The following PCDHGA4 variants were observed in gnomAD, a reference collection of about 807,000 sequenced individuals.
PCDHGA4 encodes protocadherin gamma subfamily A, 4, also known as protocadherin gamma-A4.
A neutral mutation model predicts 54.6 loss-of-function variants in PCDHGA4; 38 were observed. The observed-to-expected ratio is 0.70, with a 90% CI of 0.54 to 0.91. The LOEUF (loss-of-function observed/expected upper bound fraction) is 0.91. PCDHGA4 is among the 40% of genes least tolerant of loss of function. PCDHGA4 has a pLI of 0.00. For missense variants in PCDHGA4, 1,298 were observed against 1,220.9 expected, an observed-to-expected ratio of 1.06 and a Z score of -0.94; for synonymous variants, 511 against 512.9, an observed-to-expected ratio of 1.00 and a Z score of 0.05.
intron 1 of PCDHGA4, chr5:141,405,045 C>T (rs757899891): frequency 6.2e-7 from 1 of 1,613,918 alleles, no homozygotes. Context: ...GTGGCTGTGG[C>T]AGTCGTCTCC....
intron 1 of PCDHGA4, chr5:141,392,842 G>A: frequency 6.2e-7 from 1 of 1,609,312 alleles, no homozygotes. Flanking sequence ...CGCCCCAGAC[G>A]CGGCGAGCTG....
chr5:141,421,817 T>A (rs375019903), intron 1 of PCDHGA4: 34 of 1,613,662 alleles, frequency 2.1e-5, no homozygotes, highest in Non-Finnish European at 2.8e-5. Context: ...GAGCTAGTAC[T>A]GGAGGGAAGC....
intron 1 of PCDHGA4, chr5:141,389,817 C>G: frequency 1.2e-6 from 2 of 1,613,870 alleles, no homozygotes; most frequent in Non-Finnish European, 1.7e-6. Context: ...GGTCGCCGTG[C>G]GTGACGGTGG....
intron 1 of PCDHGA4, chr5:141,408,661 G>T (rs1462103250): frequency 1.2e-6 from 2 of 1,613,888 alleles, no homozygotes; most frequent in Middle Eastern, 3.3e-4. Context: ...CACGACTATC[G>T]CTTGACCCTG....
At chr5:141,384,479 A>T (rs1457273587) in intron 1 of PCDHGA4, 2 of 1,614,064 alleles carry the variant, frequency 1.2e-6, no homozygotes, top group South Asian at 2.2e-5. Context: ...CAGTTGAGAG[A>T]ACTACAACTA....
At chr5:141,395,535 C>T in intron 1 of PCDHGA4, 1 of 331,902 alleles carries the variant, frequency 3.0e-6, no homozygotes, top group Non-Finnish European at 5.4e-6. Flanking sequence ...GGTAATTTTG[C>T]TATTGTTTGT....
intron 1 of PCDHGA4, among the ~76,000 whole-genome samples, chr5:141,469,212 G>A (rs114294512): frequency 0.021 from 3,174 of 151,360 alleles, 54 homozygotes; most frequent in Non-Finnish European, 0.032. Flanking sequence ...TTGAAGTTGA[G>A]GCTTCAGTGA....
chr5:141,485,821 T>C lies in PCDHGA4; in HGVS notation c.2515-8986T>C, dbSNP rs765768266. 4 of 1,614,134 alleles carry C rather than the reference T, an allele frequency of 2.5e-6. No homozygotes were observed. Among genetic ancestry groups the C allele is most frequent in the Admixed American group, 1.7e-5 (1 of 60,014 alleles). ...ACCGCCTGGTGCTGACTGCTGTCGATGGAGGGAACCCGCCGAGATCTGGCA... is the reference window on the plus strand; with the variant it reads ...ACCGCCTGGTGCTGACTGCTGTCGACGGAGGGAACCCGCCGAGATCTGGCA... On this transcript the variant is annotated intron_variant, in intron 1 of 3. Coordinates refer to ENST00000571252, the MANE Select transcript of PCDHGA4 (RefSeq NM_018917.4). This position sits in a 1 kb window ranked among gnomAD's most constrained non-coding sequence, Gnocchi z 5.7.
chr5:141,485,174 A>G lies in PCDHGA4; in HGVS notation c.2515-9633A>G. 6.2e-7 allele frequency: 1 copy of G among 1,611,406 alleles called. No individual in the cohort carries two copies. The highest frequency in any genetic ancestry group is 8.5e-7 in the Non-Finnish European group (1 of 1,177,898). ...AGTAGAGAATTAGCGGGCGGCAGCA[A>G]TGCTCCGCAAGGTGAGAAGCTGGAC... On this transcript the variant is annotated intron_variant, in intron 1 of 3. Coordinates refer to ENST00000571252, the MANE Select transcript of PCDHGA4 (RefSeq NM_018917.4). The surrounding 1 kb of genome is among the most constrained non-coding windows in gnomAD (Gnocchi z 5.7).
intron 1 of PCDHGA4, chr5:141,366,994 T>C (rs991537979): frequency 6.5e-6 from 3 of 463,862 alleles, no homozygotes; most frequent in Non-Finnish European, 1.1e-5. Flanking sequence ...TGGTTAAATA[T>C]AATCATTTTA....
rs143767010 is a variant in PCDHGA4 at position 141,460,190 on chromosome 5, A to G, written c.2515-34617A>G. 3.2e-3 allele frequency among the ~76,000 whole-genome samples: 486 copies of G among 152,218 alleles called. 1 individual carries two copies. Among genetic ancestry groups the G allele is most frequent in the Non-Finnish European group, 4.9e-3 (336 of 68,006 alleles). ...TTTTGTGGATATTTTATCCCAGACTATGACTTGTCTTTTCATTTTCTTAGT... is the reference window on the plus strand; with the variant it reads ...TTTTGTGGATATTTTATCCCAGACTGTGACTTGTCTTTTCATTTTCTTAGT... On this transcript the variant is annotated intron_variant, in intron 1 of 3. Coordinates refer to ENST00000571252, the MANE Select transcript of PCDHGA4 (RefSeq NM_018917.4).
At position 141,490,356 on chromosome 5, in the gene PCDHGA4, T is replaced by C. The variant is rs771968534; in HGVS notation, c.2515-4451T>C. ...CAGTGGGCACAGTAGTGGGGTTGTT[T>C]AATGTGCGAGACCGGGACTCAGGTA... On this transcript the variant is annotated intron_variant, in intron 1 of 3. Coordinates refer to ENST00000571252, the MANE Select transcript of PCDHGA4 (RefSeq NM_018917.4). The surrounding 1 kb of genome is among the most constrained non-coding windows in gnomAD (Gnocchi z 5.4). 1.4e-5 allele frequency: 23 copies of C among 1,614,084 alleles called. No individual in the cohort carries two copies. Among genetic ancestry groups the C allele is most frequent in the Non-Finnish European group, 1.9e-5 (22 of 1,180,038 alleles).
Position 141,487,399 on chromosome 5 carries a change from G to A in PCDHGA4, c.2515-7408G>A. 1.2e-6 allele frequency: 2 copies of A among 1,614,140 alleles called. No homozygotes were observed. Among genetic ancestry groups the A allele is most frequent in the South Asian group, 1.1e-5 (1 of 91,088 alleles). On this transcript the variant is annotated intron_variant, in intron 1 of 3. Coordinates refer to ENST00000571252, the MANE Select transcript of PCDHGA4 (RefSeq NM_018917.4). The surrounding 1 kb of genome is among the most constrained non-coding windows in gnomAD (Gnocchi z 5.0). ...TCACCAGATCTCGAAGGAGGGAGGGGCTTCCCCCTTCCAATGGGATCCTCC... is the reference window on the plus strand; with the variant it reads ...TCACCAGATCTCGAAGGAGGGAGGGACTTCCCCCTTCCAATGGGATCCTCC...
intron 1 of PCDHGA4, chr5:141,478,401 T>G: frequency 6.2e-7 from 1 of 1,613,480 alleles, no homozygotes; most frequent in South Asian, 1.1e-5. Context: ...CAGGTGTATC[T>G]CACCACGGAC....
chr5:141,444,561 GA>G (rs778707459), intron 1 of PCDHGA4, among the ~76,000 whole-genome samples: 17 of 152,098 alleles, frequency 1.1e-4, no homozygotes, highest in Non-Finnish European at 2.1e-4. Context: ...GCACTTATTT[GA>G]CACTTTTGAC....
chr5:141,420,076 T>A, intron 1 of PCDHGA4: 2 of 1,613,956 alleles, frequency 1.2e-6, no homozygotes, highest in Non-Finnish European at 1.7e-6. Context: ...GACCTGTGGG[T>A]CCCCCCAACT....
chr5:141,486,271 C>T lies in PCDHGA4; in HGVS notation c.2515-8536C>T. 1 of 1,614,086 alleles carries T rather than the reference C, an allele frequency of 6.2e-7. No homozygotes were observed. Among genetic ancestry groups the T allele is most frequent in the Non-Finnish European group, 8.5e-7 (1 of 1,179,994 alleles). ...CCCTCCCCGAGAGTGCAGAACCTGG[C>T]ACTGTGGTGGCACTTATCAGTGTGC... On this transcript the variant is annotated intron_variant, in intron 1 of 3. Coordinates refer to ENST00000571252, the MANE Select transcript of PCDHGA4 (RefSeq NM_018917.4). The surrounding 1 kb of genome is among the most constrained non-coding windows in gnomAD (Gnocchi z 5.0).
In PCDHGA4 at chr5:141,410,323, G is replaced by T. The variant is rs1415994094; in HGVS notation, c.2514+52702G>T. 3.7e-6 allele frequency: 6 copies of T among 1,613,884 alleles called. No homozygotes were observed. The South Asian group carries it at 5.5e-5, about 15-fold the overall frequency. ...TCTCAGTGCTCTTCCTCCTCGCCGT[G>T]ATTCTGGCCATTGCCTTGCGCCTGC... is the stretch of plus-strand genomic sequence containing the variant. On this transcript the variant is annotated intron_variant, in intron 1 of 3. Transcript: ENST00000571252.
At chr5:141,469,836 T>C (rs2099212875) in intron 1 of PCDHGA4, among the ~76,000 whole-genome samples, 1 of 152,064 alleles carries the variant, frequency 6.6e-6, no homozygotes, top group South Asian at 2.1e-4. Flanking sequence ...ATAAAACTTA[T>C]TCTTAAGATT....
Sources: gnomAD v4.1 joint callset for allele counts (sites outside exome capture counted in the v4.1 genomes callset) on GRCh38, gnomAD v4.1.1 for gene constraint, Gnocchi (gnomAD v3.1) non-coding constraint, MANE v1.5 for transcripts, NCBI Gene and HGNC (gene_info 2026-07-23, HGNC 2026-07-21) for gene names.